Variants in NCAM2 observed in about 807,000 individuals in gnomAD.
NCAM2 encodes the protein N-CAM-2.
In NCAM2, 30 loss-of-function variants were observed where a neutral mutation model predicts 98.1. The observed-to-expected ratio is 0.31, with a 90% CI of 0.23 to 0.41. NCAM2 has a LOEUF of 0.41. Among genes scored for constraint, NCAM2 ranks in the 10% least tolerant of loss-of-function variants. The pLI, the probability that NCAM2 is intolerant of heterozygous loss-of-function variation, is 1.00. For missense variants in NCAM2, 867 were observed against 1,005.8 expected, an observed-to-expected ratio of 0.86 and a Z score of 1.87; for synonymous variants, 368 against 342.4, an observed-to-expected ratio of 1.07 and a Z score of -0.83.
intron 1 of NCAM2, among the ~76,000 whole-genome samples, chr21:21,236,144 C>T (rs1027693332): frequency 2.0e-5 from 3 of 147,108 alleles, no homozygotes; most frequent in African/African-American, 7.4e-5. Flanking sequence ...CTCTATGAAA[C>T]TTCCCTGATT....
rs146223804 is a variant in NCAM2, at chr21:21,322,515, C to T, written c.620-1868C>T. Among the ~76,000 whole-genome samples the T allele has an allele frequency of 3.3e-3, 498 of 152,162 alleles. 1 individual carries two copies. Among genetic ancestry groups the T allele is most frequent in the Middle Eastern group, 0.01 (3 of 294 alleles). On this transcript the variant is annotated intron_variant, in intron 5 of 17. Coordinates refer to ENST00000400546, the MANE Select transcript of NCAM2 (RefSeq NM_004540.5). ...GTTGTGAGTCTTAAGATTAGCAGTCCTCTGCTAGGTGAAAAATCTATGTGT... is the reference window on the plus strand; with the variant it reads ...GTTGTGAGTCTTAAGATTAGCAGTCTTCTGCTAGGTGAAAAATCTATGTGT...
intron 16 of NCAM2, among the ~76,000 whole-genome samples, chr21:21,510,906 G>T (rs1602529843): frequency 6.6e-6 from 1 of 151,796 alleles, no homozygotes; most frequent in South Asian, 2.1e-4. Flanking sequence ...TATTATCTAC[G>T]TCTCCTTTCC....
At chr21:21,517,871 C>T (rs1018845272) in intron 16 of NCAM2, among the ~76,000 whole-genome samples, 21 of 152,124 alleles carry the variant, frequency 1.4e-4, no homozygotes, top group Non-Finnish European at 2.6e-4. Flanking sequence ...TAAAATAAAA[C>T]TTTATCACCT....
intron 1 of NCAM2, among the ~76,000 whole-genome samples, chr21:21,214,807 A>G (rs181757682): frequency 6.8e-6 from 1 of 146,490 alleles, no homozygotes; most frequent in Admixed American, 6.9e-5. Flanking sequence ...ATAGGTATAT[A>G]TGTGTATCGA....
chr21:21,013,508 G>A (rs916091987), intron 1 of NCAM2, among the ~76,000 whole-genome samples: 3 of 152,158 alleles, frequency 2.0e-5, no homozygotes, highest in African/African-American at 7.2e-5. Flanking sequence ...AGGGCCGGAC[G>A]TGGTGGCTCA....
At chr21:21,465,554 TATA>T (rs1329939452) in intron 12 of NCAM2, among the ~76,000 whole-genome samples, 5 of 151,034 alleles carry the variant, frequency 3.3e-5, no homozygotes, top group Non-Finnish European at 7.4e-5. Flanking sequence ...TAAATTATAA[TATA>T]ATCATTAGAA....
intron 12 of NCAM2, among the ~76,000 whole-genome samples, chr21:21,437,273 C>T (rs770730655): frequency 1.9e-4 from 29 of 151,938 alleles, no homozygotes; most frequent in Non-Finnish European, 3.2e-4. Context: ...ATAACATTAC[C>T]TTGATCAAGA....
At chr21:21,366,711 A>G (rs1333942875) in intron 8 of NCAM2, among the ~76,000 whole-genome samples, 1 of 152,062 alleles carries the variant, frequency 6.6e-6, no homozygotes, top group African/African-American at 2.4e-5. Context: ...GATAAAATAC[A>G]AAATGTAATT....
At chr21:21,459,164 TG>T (rs927954911) in intron 12 of NCAM2, among the ~76,000 whole-genome samples, 1 of 150,790 alleles carries the variant, frequency 6.6e-6, no homozygotes, top group Non-Finnish European at 1.5e-5. Flanking sequence ...TCACACCTGT[TG>T]GGATGGCTTT....
At chr21:21,301,443 G>T in intron 5 of NCAM2, among the ~76,000 whole-genome samples, 1 of 143,844 alleles carries the variant, frequency 7.0e-6, no homozygotes, top group Admixed American at 7.1e-5. Flanking sequence ...GTGCAGGTTA[G>T]TTACATATGT....
intron 1 of NCAM2, among the ~76,000 whole-genome samples, chr21:21,252,679 T>A (rs1348832469): frequency 1.3e-5 from 2 of 152,160 alleles, no homozygotes; most frequent in East Asian, 3.9e-4. Context: ...TACTACATTT[T>A]TAAACACTTG....
intron 1 of NCAM2, among the ~76,000 whole-genome samples, chr21:21,209,369 C>G (rs943527890): frequency 6.6e-6 from 1 of 152,202 alleles, no homozygotes; most frequent in Non-Finnish European, 1.5e-5. Flanking sequence ...ATGTACAACA[C>G]AATGCCCAGT....
intron 16 of NCAM2, among the ~76,000 whole-genome samples, chr21:21,524,061 A>C (rs560894448): frequency 1.3e-5 from 2 of 151,162 alleles, no homozygotes; most frequent in Admixed American, 6.6e-5. Flanking sequence ...CACACACACA[A>C]TAAGAATAAT....
chr21:21,064,444 A>G (rs2065389662), intron 1 of NCAM2, among the ~76,000 whole-genome samples: 1 of 152,244 alleles, frequency 6.6e-6, no homozygotes, highest in East Asian at 1.9e-4. Flanking sequence ...ATTGTACTAT[A>G]TCGTATTATT....
At chr21:21,142,623 C>T (rs904009667) in intron 1 of NCAM2, among the ~76,000 whole-genome samples, 5 of 152,098 alleles carry the variant, frequency 3.3e-5, no homozygotes, top group Admixed American at 1.3e-4. Flanking sequence ...TCGTGATCCG[C>T]CCGCCTAGGC....
At chr21:21,425,702 A>G (rs575929458) in intron 11 of NCAM2, among the ~76,000 whole-genome samples, 51 of 152,294 alleles carry the variant, frequency 3.3e-4, no homozygotes, top group African/African-American at 1.2e-3. Flanking sequence ...TGAAGGATAA[A>G]TGTAAATATA....
At chr21:21,473,768 T>G (rs1005272688) in intron 14 of NCAM2, among the ~76,000 whole-genome samples, 2 of 151,906 alleles carry the variant, frequency 1.3e-5, no homozygotes, top group Non-Finnish European at 2.9e-5. Context: ...AAGAAAATAG[T>G]GACCCTTACA....
At chr21:21,470,672 C>T (rs915376579) in intron 14 of NCAM2, among the ~76,000 whole-genome samples, 2 of 151,998 alleles carry the variant, frequency 1.3e-5, no homozygotes, top group African/African-American at 4.8e-5. Flanking sequence ...ATGTCCTTTT[C>T]CCTCCTCTTC....
intron 16 of NCAM2, among the ~76,000 whole-genome samples, chr21:21,519,161 C>T (rs1988875480): frequency 6.6e-6 from 1 of 151,702 alleles, no homozygotes; most frequent in African/African-American, 2.4e-5. Flanking sequence ...ATCTAGGGGC[C>T]AAAGTATTAT....
Sources: allele counts gnomAD v4.1 joint callset (sites outside exome capture counted in the v4.1 genomes callset), GRCh38; gene constraint gnomAD v4.1.1; transcripts MANE v1.5; gene names NCBI Gene and HGNC (gene_info 2026-07-23, HGNC 2026-07-21).